NBEA: variants seen among roughly 807,000 people sequenced by gnomAD.
The protein encoded by NBEA is neurobeachin, also known as lysosomal-trafficking regulator 2.
NBEA carries 44 observed loss-of-function variants against 343.4 expected under a neutral mutation model. That is an observed-to-expected ratio of 0.13 (90% CI 0.10 to 0.16). The LOEUF (loss-of-function observed/expected upper bound fraction) is 0.16. NBEA is among the 10% of genes least tolerant of loss of function. The pLI is 1.00. For synonymous variants in NBEA, 1,175 were observed against 1,238.7 expected (o/e 0.95, Z 1.08); for missense variants, 2,555 against 3,631.3 (o/e 0.70, Z 7.62).
intron 46 of NBEA, among the ~76,000 whole-genome samples, chr13:35,587,374 T>C (rs2081337472): frequency 6.6e-6 from 1 of 152,122 alleles, no homozygotes; most frequent in Non-Finnish European, 1.5e-5. Flanking sequence ...AAGGAAATTT[T>C]TGGAAAACAC....
At chr13:35,336,471 C>T (rs1188399966) in intron 36 of NBEA, among the ~76,000 whole-genome samples, 1 of 152,064 alleles carries the variant, frequency 6.6e-6, no homozygotes, top group Non-Finnish European at 1.5e-5. Flanking sequence ...GTGGCACTTC[C>T]TTAAAGAGCT....
intron 58 of NBEA, 132 bp downstream of exon 58, chr13:35,668,651 G>C (rs2153088714): frequency 1.2e-6 from 1 of 861,646 alleles, no homozygotes; most frequent in South Asian, 2.6e-5. Flanking sequence ...AAAGAAAAGG[G>C]GAAAATGAGG....
intron 49 of NBEA, among the ~76,000 whole-genome samples, chr13:35,631,485 A>T (rs970053768): frequency 9.9e-5 from 15 of 152,086 alleles, no homozygotes; most frequent in Admixed American, 3.9e-4. Context: ...AAATACAAAG[A>T]TTGTACATTT....
At chr13:35,032,153 T>C (rs147807880) in intron 1 of NBEA, among the ~76,000 whole-genome samples, 1 of 151,970 alleles carries the variant, frequency 6.6e-6, no homozygotes, top group African/African-American at 2.4e-5. Flanking sequence ...TGTATTCCTC[T>C]GGATATATAC....
chr13:35,101,466 A>C (rs1202998545), intron 11 of NBEA, among the ~76,000 whole-genome samples: 1 of 151,624 alleles, frequency 6.6e-6, no homozygotes, highest in South Asian at 2.1e-4. Context: ...CTTGTTGTCT[A>C]TTTTCATGTG....
chr13:35,261,034 C>G (rs2033163274), intron 34 of NBEA, among the ~76,000 whole-genome samples: 1 of 152,138 alleles, frequency 6.6e-6, no homozygotes. Flanking sequence ...CAGCAAAATG[C>G]AAACACTTAA....
intron 55 of NBEA, among the ~76,000 whole-genome samples, chr13:35,663,580 G>A (rs1481874729): frequency 6.6e-6 from 1 of 152,050 alleles, no homozygotes; most frequent in East Asian, 1.9e-4. Context: ...TCAACACAGG[G>A]GTGCAGATAT....
At chr13:35,460,671 T>C (rs1313814944) in intron 40 of NBEA, among the ~76,000 whole-genome samples, 2 of 152,168 alleles carry the variant, frequency 1.3e-5, no homozygotes, top group Non-Finnish European at 2.9e-5. Context: ...TGAAACACTA[T>C]AAGGTACTCT....
In NBEA at chr13:35,312,873, T is replaced by C. The variant is rs146970628; in HGVS notation, c.5903+3281T>C. 7.5e-3 allele frequency among the ~76,000 whole-genome samples: 1,139 copies of C among 152,318 alleles called. 17 individuals are homozygous for C. Among genetic ancestry groups the C allele is most frequent in the African/African-American group, 0.026 (1,086 of 41,574 alleles). On this transcript the variant is annotated intron_variant, in intron 36 of 58. Coordinates refer to ENST00000379939, the MANE Select transcript of NBEA (RefSeq NM_001385012.1). ...AAAGCGAGGTTTGAGTTGAGAGTTT[T>C]TCACTTTTGGGTTACACTGAACTTG...
chr13:35,476,446 TC>T, intron 41 of NBEA: 1 of 910,138 alleles, frequency 1.1e-6, no homozygotes, highest in Non-Finnish European at 1.8e-6. Context: ...TTTTAAAGAA[TC>T]CTTGTGTGAG....
chr13:35,458,396 G>A (rs758696974), intron 40 of NBEA, among the ~76,000 whole-genome samples: 5 of 152,190 alleles, frequency 3.3e-5, no homozygotes, highest in Non-Finnish European at 7.3e-5. Flanking sequence ...TTTGAACCAT[G>A]AAGAAATCTC....
intron 55 of NBEA, among the ~76,000 whole-genome samples, chr13:35,662,600 G>A (rs548172994): frequency 6.6e-6 from 1 of 152,076 alleles, no homozygotes; most frequent in South Asian, 2.1e-4. Flanking sequence ...GCTTTCAGGG[G>A]CCCTAAAAAA....
At chr13:34,974,066 T>C (rs540995469) in intron 1 of NBEA, among the ~76,000 whole-genome samples, 1 of 152,276 alleles carries the variant, frequency 6.6e-6, no homozygotes, top group East Asian at 1.9e-4. Flanking sequence ...AAGCATGGCA[T>C]GGTTTCCTGG....
Position 35,472,527 on chromosome 13 carries a change from C to T in NBEA, c.6576C>T (p.Ile2192=). ...VDEDDSAFKK[I]DTKVLAYTEG... The stretch of plus-strand genomic sequence containing the variant: ...AGGATGATTCTGCCTTCAAGAAGAT[C>T]GACACGAAAGTGAGTTAAAGCGATT... Residue 2192 remains isoleucine (I), a synonymous_variant, in exon 41 of 59, where the codon ATC becomes ATT. Transcript: ENST00000379939. 3 of 1,613,930 alleles carry T rather than the reference C, an allele frequency of 1.9e-6. No individual in the cohort carries two copies. The highest frequency in any genetic ancestry group is 4.5e-5 in the East Asian group (2 of 44,888).
intron 33 of NBEA, among the ~76,000 whole-genome samples, chr13:35,219,180 TCTGCCTTC>T (rs547569461): frequency 7.9e-5 from 12 of 152,248 alleles, no homozygotes; most frequent in East Asian, 1.9e-4. Context: ...AGCCAGCTTG[TCTGCCTTC>T]CTGCCTTCCT....
intron 49 of NBEA, among the ~76,000 whole-genome samples, chr13:35,630,761 C>G (rs1032235762): frequency 6.6e-6 from 1 of 152,274 alleles, no homozygotes; most frequent in Non-Finnish European, 1.5e-5. Flanking sequence ...CCCCCAGCCC[C>G]CAGAGGCCTG....
At chr13:35,284,294 T>C (rs552088212) in intron 34 of NBEA, among the ~76,000 whole-genome samples, 28 of 152,180 alleles carry the variant, frequency 1.8e-4, no homozygotes, top group Non-Finnish European at 3.7e-4. Context: ...TTGTGATAAC[T>C]CAGTTTTTAG....
At chr13:35,438,338 A>G (rs1361111350) in intron 39 of NBEA, among the ~76,000 whole-genome samples, 1 of 152,210 alleles carries the variant, frequency 6.6e-6, no homozygotes, top group Non-Finnish European at 1.5e-5. Context: ...TTTTGATGGT[A>G]TATGCATGGC....
At chr13:35,088,518 T>C (rs1029171206) in intron 10 of NBEA, among the ~76,000 whole-genome samples, 1 of 151,938 alleles carries the variant, frequency 6.6e-6, no homozygotes, top group African/African-American at 2.4e-5. Context: ...TGCAAGGTGA[T>C]GTTTTTAGTA....
Sources: gnomAD v4.1 joint callset for allele counts (sites outside exome capture counted in the v4.1 genomes callset) on GRCh38, gnomAD v4.1.1 for gene constraint, MANE v1.5 for transcripts, NCBI Gene and HGNC (gene_info 2026-07-23, HGNC 2026-07-21) for gene names.